Variants in MMS22L observed in about 807,000 individuals in gnomAD.
MMS22L encodes MMS22 like, DNA repair protein.
Under a neutral mutation model 159.1 loss-of-function variants are expected in MMS22L, and 74 were observed. The ratio of observed to expected loss-of-function variants is 0.47; its 90% CI spans 0.39 to 0.56. MMS22L has a LOEUF of 0.56. Ranked by LOEUF, MMS22L falls within the 20% of genes least tolerant of loss-of-function variation. MMS22L has a pLI of 0.00. For synonymous variants in MMS22L, 517 were observed against 506.9 expected, an observed-to-expected ratio of 1.02 and a Z score of -0.27; for missense variants, 1,351 against 1,422.1, an observed-to-expected ratio of 0.95 and a Z score of 0.80.
At chr6:97,210,090 G>A (rs1808215378) in intron 14 of MMS22L, among the ~76,000 whole-genome samples, 1 of 151,632 alleles carries the variant, frequency 6.6e-6, no homozygotes, top group Non-Finnish European at 1.5e-5. Flanking sequence ...TAAAATATGG[G>A]GACCTGCCTG....
At chr6:97,239,056 A>G (rs1052435457) in intron 11 of MMS22L, among the ~76,000 whole-genome samples, 1 of 151,392 alleles carries the variant, frequency 6.6e-6, no homozygotes, top group Non-Finnish European at 1.5e-5. Context: ...TTCACAGTCT[A>G]AACAGTAACT....
intron 11 of MMS22L, among the ~76,000 whole-genome samples, chr6:97,234,239 G>A (rs935859922): frequency 1.3e-5 from 2 of 152,026 alleles, no homozygotes; most frequent in African/African-American, 2.4e-5. Flanking sequence ...AAAAATTACA[G>A]GTGTTTCATA....
intron 9 of MMS22L, chr6:97,259,130 C>T (rs1814159876): frequency 6.6e-6 from 1 of 152,130 alleles, no homozygotes; most frequent in Non-Finnish European, 1.5e-5. Context: ...ACACACATTG[C>T]CTTTTTCCTA....
chr6:97,235,921 A>T (rs541340250), intron 11 of MMS22L, among the ~76,000 whole-genome samples: 13 of 152,328 alleles, frequency 8.5e-5, no homozygotes, highest in African/African-American at 2.9e-4. Context: ...TGGGAGATTT[A>T]AAGCTGTAAA....
intron 22 of MMS22L, among the ~76,000 whole-genome samples, chr6:97,161,239 G>A (rs138129087): frequency 1.8e-3 from 268 of 152,032 alleles, no homozygotes; most frequent in African/African-American, 6.2e-3. Flanking sequence ...CCTCAGGTAC[G>A]CCCACAGTCT....
At chr6:97,228,822 A>C (rs1810530281) in intron 14 of MMS22L, 72 bp downstream of exon 14, 3 of 1,387,684 alleles carry the variant, frequency 2.2e-6, no homozygotes, top group Non-Finnish European at 2.9e-6. Context: ...CATATATATA[A>C]CTTTAATATA....
In MMS22L at chr6:97,181,954, G is replaced by T; in HGVS notation, c.2334C>A (p.Ile778=). Residue 778 remains isoleucine, a synonymous_variant, in exon 16 of 25, where the codon ATC becomes ATA. Transcript: ENST00000683635. ...SIIQLFGWDD[I]ICPQVVARYL... ...ATCTTGCTACAACTTGAGGGCAGAT[G>T]ATATCATCCCAACCAAAAAGTTGAA... 6.2e-7 allele frequency: 1 copy of T among 1,613,714 alleles called. No homozygotes were observed. Among genetic ancestry groups the T allele is most frequent in the Non-Finnish European group, 8.5e-7 (1 of 1,179,756 alleles).
chr6:97,211,894 A>G (rs1449754954), intron 14 of MMS22L, among the ~76,000 whole-genome samples: 1 of 152,200 alleles, frequency 6.6e-6, no homozygotes, highest in Admixed American at 6.5e-5. Flanking sequence ...CTATCTAAAT[A>G]AACACAAACT....
chr6:97,279,341 C>T (rs1208203231), intron 3 of MMS22L, among the ~76,000 whole-genome samples: 6 of 151,762 alleles, frequency 4.0e-5, no homozygotes, highest in African/African-American at 9.7e-5. Context: ...AAAATTAGCC[C>T]GGCATGGTGG....
intron 15 of MMS22L, 122 bp downstream of exon 15, chr6:97,186,375 G>T: frequency 1.5e-6 from 1 of 666,288 alleles, no homozygotes; most frequent in Non-Finnish European, 2.3e-6. Flanking sequence ...TATGTAATTT[G>T]TTTCATCTTT....
intron 14 of MMS22L, among the ~76,000 whole-genome samples, chr6:97,223,701 T>A (rs1809904722): frequency 6.6e-6 from 1 of 152,154 alleles, no homozygotes. Context: ...CAATCCTGAA[T>A]GATCTCTTGG....
intron 22 of MMS22L, among the ~76,000 whole-genome samples, chr6:97,160,342 C>A (rs1327577650): frequency 6.6e-6 from 1 of 151,960 alleles, no homozygotes; most frequent in African/African-American, 2.4e-5. Flanking sequence ...TCTGTTTCAT[C>A]TTCAGTTTTG....
At chr6:97,155,312 AT>A (rs1801714691) in intron 22 of MMS22L, among the ~76,000 whole-genome samples, 2 of 104,762 alleles carry the variant, frequency 1.9e-5, no homozygotes, top group African/African-American at 9.4e-5. Context: ...AGTCTTCCAA[AT>A]TTTTAAATTG....
rs1562382665 is a variant in MMS22L, at chr6:97,145,060, ACAC to A, written c.*1743_*1745del. The A allele has an allele frequency of 1.0e-4, 15 of 146,196 alleles. No homozygotes were observed. The highest frequency in any genetic ancestry group is 3.8e-4 in the African/African-American group (14 of 37,322). The allele number at this position is 146,196 out of a possible 1,614,324, so 9.1% of individuals were successfully genotyped here. The stretch of plus-strand genomic sequence containing the variant: ...CACACACACACACACACACACACAC[ACAC>A]ACAAAAACACATATACACATAAATA... On this transcript the variant is annotated 3_prime_UTR_variant, in exon 25 of 25. Transcript: ENST00000683635.
chr6:97,268,762 G>C (rs577696478), intron 7 of MMS22L, among the ~76,000 whole-genome samples: 3 of 152,176 alleles, frequency 2.0e-5, no homozygotes, highest in East Asian at 3.9e-4. Flanking sequence ...AAGTCCACTT[G>C]AGTATTACTC....
At chr6:97,182,153 TTAAG>T in intron 15 of MMS22L, 99 bp from the exon 16 acceptor site, 6 of 986,248 alleles carry the variant, frequency 6.1e-6, no homozygotes, top group Non-Finnish European at 8.8e-6. Context: ...TTTTTTTTTT[TTAAG>T]TAACAAATAA....
intron 6 of MMS22L, chr6:97,272,057 C>T (rs1056074738): frequency 6.6e-6 from 1 of 152,158 alleles, no homozygotes; most frequent in Non-Finnish European, 1.5e-5. Flanking sequence ...GGGGTTGAGA[C>T]TTCAGGGAAT....
intron 14 of MMS22L, among the ~76,000 whole-genome samples, chr6:97,206,759 T>C (rs1053149159): frequency 6.6e-6 from 1 of 152,094 alleles, no homozygotes; most frequent in Non-Finnish European, 1.5e-5. Context: ...AAAGAGACAC[T>C]AAACGCCCAT....
At chr6:97,177,416 T>A (rs1475375312) in intron 18 of MMS22L, among the ~76,000 whole-genome samples, 1 of 152,170 alleles carries the variant, frequency 6.6e-6, no homozygotes, top group African/African-American at 2.4e-5. Context: ...CTACTTCTTT[T>A]GATTTTTCAA....
Sources: gnomAD v4.1 joint callset for allele counts (sites outside exome capture counted in the v4.1 genomes callset) on GRCh38, gnomAD v4.1.1 for gene constraint, MANE v1.5 for transcripts, NCBI Gene and HGNC (gene_info 2026-07-23, HGNC 2026-07-21) for gene names.